Variants in TENM2 observed in about 807,000 individuals in gnomAD.
The protein encoded by TENM2 is teneurin transmembrane protein 2, also known as teneurin-2.
Under a neutral mutation model 245.2 loss-of-function variants are expected in TENM2, and 52 were observed. That is an observed-to-expected ratio of 0.21 (90% CI 0.17 to 0.27). The LOEUF (loss-of-function observed/expected upper bound fraction) is 0.27. Among genes scored for constraint, TENM2 ranks in the 10% least tolerant of loss-of-function variants. TENM2 has a pLI of 1.00. For synonymous variants in TENM2, 1,363 were observed against 1,438.9 expected (o/e 0.95, Z 1.19); for missense variants, 3,046 against 3,666.8 (o/e 0.83, Z 4.37).
the TENM2 span, among the ~76,000 whole-genome samples, chr5:167,043,213 A>G: frequency 6.6e-6 from 1 of 152,246 alleles, no homozygotes; most frequent in Admixed American, 6.5e-5. Context: ...CTGCGTGGTA[A>G]GCCCTATGAT....
intron 12 of TENM2, among the ~76,000 whole-genome samples, chr5:168,147,243 A>AT (rs1756175310): frequency 6.6e-6 from 1 of 152,266 alleles, no homozygotes; most frequent in African/African-American, 2.4e-5. Flanking sequence ...ATTGAACAGC[A>AT]TGTTTTGCAA....
At chr5:167,398,322 C>T (rs1474215360) in intron 2 of TENM2, among the ~76,000 whole-genome samples, 1 of 151,672 alleles carries the variant, frequency 6.6e-6, no homozygotes, top group Non-Finnish European at 1.5e-5. Flanking sequence ...TAATTGTCCC[C>T]TTCCCTTATT....
At chr5:167,415,951 T>C (rs1054125746) in intron 2 of TENM2, among the ~76,000 whole-genome samples, 1 of 152,172 alleles carries the variant, frequency 6.6e-6, no homozygotes, top group African/African-American at 2.4e-5. Context: ...AGAATTAGTA[T>C]GCTATGATGA....
chr5:167,527,832 G>A (rs1458096764), intron 2 of TENM2, among the ~76,000 whole-genome samples: 2 of 152,092 alleles, frequency 1.3e-5, no homozygotes, highest in Admixed American at 1.3e-4. Context: ...TTGTCCTGAG[G>A]AGAGGAAGAC....
intron 2 of TENM2, among the ~76,000 whole-genome samples, chr5:167,515,552 G>A (rs1404615966): frequency 3.0e-5 from 4 of 135,432 alleles, no homozygotes; most frequent in East Asian, 2.3e-4. Context: ...CCTTGTCCTC[G>A]AAGAGCTTAA....
At chr5:167,368,857 T>C (rs1475358798) in intron 1 of TENM2, among the ~76,000 whole-genome samples, 2 of 151,918 alleles carry the variant, frequency 1.3e-5, no homozygotes, top group Admixed American at 6.6e-5. Context: ...AGTTACCTCC[T>C]ACCATTCCCC....
intron 4 of TENM2, among the ~76,000 whole-genome samples, chr5:167,970,627 A>G (rs1320101286): frequency 6.6e-6 from 1 of 152,212 alleles, no homozygotes. Flanking sequence ...GCAATGCAGT[A>G]TATTCTGTTT....
chr5:167,481,910 C>T (rs1334487133), intron 2 of TENM2, among the ~76,000 whole-genome samples: 2 of 152,038 alleles, frequency 1.3e-5, no homozygotes, highest in African/African-American at 4.8e-5. Flanking sequence ...CATATATTAC[C>T]GTCAATTTTG....
At chr5:167,350,765 T>TATATACATATGGGATATATACATACGG (rs1758824758) in intron 1 of TENM2, among the ~76,000 whole-genome samples, 1 of 132,398 alleles carries the variant, frequency 7.6e-6, no homozygotes, top group Non-Finnish European at 1.6e-5. Flanking sequence ...TACATATGGA[T>TATATACATATGGGATATATACATACGG]ATATATATAT....
chr5:167,944,236 G>T (rs1020980365), intron 3 of TENM2, among the ~76,000 whole-genome samples: 2 of 152,146 alleles, frequency 1.3e-5, no homozygotes, highest in African/African-American at 2.4e-5. Flanking sequence ...TTGGCACCCA[G>T]TTCGAGTCCC....
At chr5:167,279,517 CCTT>C in the TENM2 span, among the ~76,000 whole-genome samples, 967 of 91,856 alleles carry the variant, frequency 0.011, 8 homozygotes, top group African/African-American at 0.017. Context: ...TCCTTCCTTT[CCTT>C]CCTTCCTTCC....
intron 4 of TENM2, among the ~76,000 whole-genome samples, chr5:167,971,392 A>G (rs2546931): frequency 0.056 from 6,661 of 118,442 alleles, 534 homozygotes; most frequent in African/African-American, 0.22. Context: ...GTCAACATGA[A>G]TTGGGTTGGC....
intron 4 of TENM2, among the ~76,000 whole-genome samples, chr5:167,957,937 G>T (rs1310799652): frequency 6.6e-6 from 1 of 152,286 alleles, no homozygotes; most frequent in Middle Eastern, 3.4e-3. Flanking sequence ...GTACTGAGAA[G>T]AATGTATATT....
the TENM2 span, among the ~76,000 whole-genome samples, chr5:167,136,103 G>A: frequency 6.6e-6 from 1 of 152,150 alleles, no homozygotes; most frequent in African/African-American, 2.4e-5. Context: ...CATGCATTTT[G>A]TATTTTAAAA....
chr5:167,243,193 A>C, the TENM2 span, among the ~76,000 whole-genome samples: 1 of 152,168 alleles, frequency 6.6e-6, no homozygotes, highest in Non-Finnish European at 1.5e-5. Context: ...AGTGTTGCTG[A>C]GACTAGAGAT....
the TENM2 span, among the ~76,000 whole-genome samples, chr5:167,126,161 T>A: frequency 6.6e-6 from 1 of 152,140 alleles, no homozygotes; most frequent in Non-Finnish European, 1.5e-5. Context: ...AATTCAAACT[T>A]CTGTAGATAT....
At chr5:167,946,737 A>T (rs1473211806) in intron 3 of TENM2, among the ~76,000 whole-genome samples, 2 of 152,124 alleles carry the variant, frequency 1.3e-5, no homozygotes. Flanking sequence ...AAGCTATATG[A>T]CATCTGGTGC....
At chr5:168,107,263 G>A (rs1355255903) in intron 9 of TENM2, among the ~76,000 whole-genome samples, 2 of 151,968 alleles carry the variant, frequency 1.3e-5, no homozygotes, top group Admixed American at 1.3e-4. Context: ...AGTTGTGGGA[G>A]CCACTGCCCT....
chr5:167,203,763 A>AT, the TENM2 span, among the ~76,000 whole-genome samples: 7 of 152,030 alleles, frequency 4.6e-5, no homozygotes, highest in Middle Eastern at 3.4e-3. Flanking sequence ...CTATTTTCAA[A>AT]TTTTTTTTAT....
Sources: allele counts gnomAD v4.1 joint callset (sites outside exome capture counted in the v4.1 genomes callset), GRCh38; gene constraint gnomAD v4.1.1; transcripts MANE v1.5; gene names NCBI Gene and HGNC (gene_info 2026-07-23, HGNC 2026-07-21).